CFAP299: variants seen among roughly 807,000 people sequenced by gnomAD.
CFAP299 encodes the protein cilia- and flagella-associated protein 299.
In CFAP299, 21 loss-of-function variants were observed where a neutral mutation model predicts 27.0. That is an observed-to-expected ratio of 0.78 (90% confidence interval 0.55 to 1.12). CFAP299 has a LOEUF of 1.12. CFAP299 is among the 50% of genes most tolerant of loss of function. CFAP299 has a pLI of 0.00. For synonymous variants in CFAP299, 104 were observed against 98.1 expected (o/e 1.06, Z -0.36); for missense variants, 310 against 276.6 (o/e 1.12, Z -0.86).
chr4:80,713,354 G>T (rs545114942), intron 3 of CFAP299, among the ~76,000 whole-genome samples: 1 of 152,322 alleles, frequency 6.6e-6, no homozygotes, highest in East Asian at 1.9e-4. Flanking sequence ...GCTGTTGTGT[G>T]CAGTTTTGAG....
intron 1 of CFAP299, among the ~76,000 whole-genome samples, chr4:80,341,859 G>A (rs367891854): frequency 2.6e-5 from 4 of 152,300 alleles, no homozygotes; most frequent in Middle Eastern, 6.8e-3. Flanking sequence ...CACAAGTTGG[G>A]TAATAATGAG....
At chr4:80,735,219 A>T (rs759025139) in intron 3 of CFAP299, among the ~76,000 whole-genome samples, 1 of 152,064 alleles carries the variant, frequency 6.6e-6, no homozygotes, top group Non-Finnish European at 1.5e-5. Context: ...TGTAAATTAG[A>T]TCACTTTATT....
At chr4:80,847,588 T>C (rs993781225) in intron 3 of CFAP299, among the ~76,000 whole-genome samples, 8 of 152,248 alleles carry the variant, frequency 5.3e-5, no homozygotes, top group Non-Finnish European at 1.0e-4. Flanking sequence ...GTTAGAAATC[T>C]GACTGATGCA....
At chr4:80,327,734 T>C in the CFAP299 span, among the ~76,000 whole-genome samples, 1 of 130,396 alleles carries the variant, frequency 7.7e-6, no homozygotes, top group African/African-American at 3.0e-5. Flanking sequence ...CTTCAATACA[T>C]ATATATATAT....
At chr4:80,524,128 A>C (rs1733055094) in intron 2 of CFAP299, among the ~76,000 whole-genome samples, 1 of 152,034 alleles carries the variant, frequency 6.6e-6, no homozygotes. Context: ...ATAATACAGA[A>C]ATTTTCTCTT....
At chr4:80,792,895 TA>T (rs1727651125) in intron 3 of CFAP299, among the ~76,000 whole-genome samples, 2 of 152,110 alleles carry the variant, frequency 1.3e-5, no homozygotes, top group African/African-American at 4.8e-5. Context: ...AATGTTTATG[TA>T]AATGTAGAAA....
intron 2 of CFAP299, among the ~76,000 whole-genome samples, chr4:80,401,802 A>C (rs770433755): frequency 3.3e-5 from 5 of 152,170 alleles, no homozygotes; most frequent in Non-Finnish European, 5.9e-5. Context: ...TGTGCACTTG[A>C]AAAAGCCATA....
At chr4:80,762,281 G>A (rs1055928461) in intron 3 of CFAP299, among the ~76,000 whole-genome samples, 4 of 151,918 alleles carry the variant, frequency 2.6e-5, no homozygotes, top group African/African-American at 9.7e-5. Flanking sequence ...ATTCTGACAG[G>A]AGGAAATATA....
chr4:80,896,577 C>A (rs904968055), intron 4 of CFAP299, among the ~76,000 whole-genome samples: 1 of 151,672 alleles, frequency 6.6e-6, no homozygotes, highest in African/African-American at 2.4e-5. Context: ...AGTAAATCCA[C>A]AAAAAGAAGA....
intron 2 of CFAP299, among the ~76,000 whole-genome samples, chr4:80,541,799 A>T (rs192831530): frequency 6.6e-6 from 1 of 152,300 alleles, no homozygotes; most frequent in Admixed American, 6.5e-5. Context: ...GCTATAAAGA[A>T]AAAGAAAAGG....
At chr4:80,729,438 G>A (rs1009823807) in intron 3 of CFAP299, among the ~76,000 whole-genome samples, 1 of 151,990 alleles carries the variant, frequency 6.6e-6, no homozygotes, top group African/African-American at 2.4e-5. Flanking sequence ...AGAAATAATG[G>A]TATGTCACTC....
intron 2 of CFAP299, among the ~76,000 whole-genome samples, chr4:80,431,843 G>A (rs11736014): frequency 0.66 from 100,424 of 152,056 alleles, 35,769 homozygotes; most frequent in Non-Finnish European, 0.78. Context: ...GGAGTGGCTT[G>A]TTCTAATAGT....
At chr4:80,386,502 C>T (rs1200756374) in intron 2 of CFAP299, 9 of 1,474,750 alleles carry the variant, frequency 6.1e-6, no homozygotes, top group African/African-American at 2.0e-5. Flanking sequence ...CCTCTTCTCG[C>T]GGGCGGTGGT....
At chr4:80,925,792 T>A (rs767687249) in intron 4 of CFAP299, among the ~76,000 whole-genome samples, 1 of 152,040 alleles carries the variant, frequency 6.6e-6, no homozygotes, top group Non-Finnish European at 1.5e-5. Context: ...AAGGAATAGT[T>A]TATTATAATT....
chr4:80,577,024 C>T (rs1222036453), intron 2 of CFAP299, among the ~76,000 whole-genome samples: 1 of 152,204 alleles, frequency 6.6e-6, no homozygotes, highest in Non-Finnish European at 1.5e-5. Flanking sequence ...TACCTCACTC[C>T]TCCTACTCTC....
At chr4:80,960,282 T>A (rs562339578) in intron 5 of CFAP299, among the ~76,000 whole-genome samples, 47 of 152,040 alleles carry the variant, frequency 3.1e-4, no homozygotes, top group African/African-American at 9.6e-4. Context: ...ACTCTTCATT[T>A]TGCTTTTTCA....
At position 80,705,545 on chromosome 4, in the gene CFAP299, G is replaced by A. The variant is rs1721770959; in HGVS notation, c.333+122362G>A. Among the ~76,000 whole-genome samples, 7 of 151,792 alleles carry A rather than the reference G, an allele frequency of 4.6e-5. No homozygotes were observed. In the South Asian group the frequency reaches 1.2e-3, roughly 27 times the overall value. On this transcript the variant is annotated intron_variant, in intron 3 of 5. Coordinates refer to ENST00000358105, the MANE Select transcript of CFAP299 (RefSeq NM_152770.3). ...TGTGTCCAAGAAAAGAGGAAAAGGA[G>A]TTTGGAACAATTCTGTTTCATTATC...
At chr4:80,714,730 A>G (rs1312339662) in intron 3 of CFAP299, among the ~76,000 whole-genome samples, 1 of 152,014 alleles carries the variant, frequency 6.6e-6, no homozygotes, top group Non-Finnish European at 1.5e-5. Context: ...CCCTTTGGAA[A>G]CTACAAAAGT....
At chr4:80,838,073 C>T (rs918950150) in intron 3 of CFAP299, among the ~76,000 whole-genome samples, 5 of 151,808 alleles carry the variant, frequency 3.3e-5, no homozygotes, top group Non-Finnish European at 7.4e-5. Context: ...AATGTCTTCT[C>T]TTGAGAAGTG....
Sources: allele counts gnomAD v4.1 joint callset (sites outside exome capture counted in the v4.1 genomes callset), GRCh38; gene constraint gnomAD v4.1.1; transcripts MANE v1.5; gene names NCBI Gene and HGNC (gene_info 2026-07-23, HGNC 2026-07-21).